LAMA5: variants seen among roughly 807,000 people sequenced by gnomAD.
The protein encoded by LAMA5 is laminin subunit alpha 5.
LAMA5 carries 260 observed loss-of-function variants against 433.4 expected under a neutral mutation model. The observed-to-expected ratio is 0.60, with a 90% confidence interval of 0.54 to 0.66. The LOEUF (loss-of-function observed/expected upper bound fraction) is 0.66, where lower values mean the gene tolerates loss of function less well. Among genes scored for constraint, LAMA5 ranks in the 30% least tolerant of loss-of-function variants. The pLI is 0.00. For synonymous variants in LAMA5, 2,620 were observed against 2,226.6 expected (o/e 1.18, Z -4.97); for missense variants, 5,378 against 5,258.5 (o/e 1.02, Z -0.70).
At chr20:62,350,314 T>C (rs540029933) in intron 6 of LAMA5, among the ~76,000 whole-genome samples, 1 of 152,200 alleles carries the variant, frequency 6.6e-6, no homozygotes, top group South Asian at 2.1e-4. Context: ...CCTGAAGCTG[T>C]GCTGGCAGCA....
chr20:62,333,573 C>A lies in LAMA5; in HGVS notation c.3012G>T (p.Gly1004=). The stretch of plus-strand genomic sequence containing the variant: ...CTGGCCCCTGCCTCACCAGGAGCAC[C>A]CCTTCGGCCTCCACACGCAGGGCCC... ...GTWALRVEAE[G]VLLDYVVLLP... The change falls in exon 24 of 80, where the codon GGG becomes GGT. Residue 1004 remains glycine (G), a synonymous_variant. Coordinates refer to ENST00000252999, the MANE Select transcript of LAMA5 (RefSeq NM_005560.6). 1 of 1,566,186 alleles carries A rather than the reference C, an allele frequency of 6.4e-7. No homozygotes were observed. The highest frequency in any genetic ancestry group is 1.9e-5 in the Admixed American group (1 of 52,838).
chr20:62,312,086 G>A (rs774781447), intron 69 of LAMA5, 36 bp from the exon 70 acceptor site: 3 of 1,608,804 alleles, frequency 1.9e-6, no homozygotes, highest in Non-Finnish European at 2.5e-6. Context: ...GCCGGCCTGG[G>A]GACCCAGACT....
At chr20:62,341,124 G>A (rs192164104) in intron 11 of LAMA5, among the ~76,000 whole-genome samples, 2 of 151,742 alleles carry the variant, frequency 1.3e-5, no homozygotes, top group East Asian at 3.9e-4. Flanking sequence ...TAGAAACAAA[G>A]AAAATCTCAA....
Position 62,359,452 on chromosome 20 carries a change from T to C in LAMA5, c.450+2948A>G, listed in dbSNP as rs1473590366. 6.8e-6 allele frequency among the ~76,000 whole-genome samples: 1 copy of C among 147,450 alleles called. No homozygotes were observed. Among genetic ancestry groups the C allele is most frequent in the Non-Finnish European group, 1.5e-5 (1 of 66,888 alleles). On this transcript the variant is annotated intron_variant, in intron 2 of 79. Transcript: ENST00000252999. This position sits in a 1 kb window ranked among gnomAD's most constrained non-coding sequence, Gnocchi z 4.3. Reference sequence around the variant, plus strand: ...CGCTGGCCATGTGCCTGGGCAGTCATGAACGCGCTCACCCTTCCCTGGGCC... The same window carrying C: ...CGCTGGCCATGTGCCTGGGCAGTCACGAACGCGCTCACCCTTCCCTGGGCC...
Position 62,346,663 on chromosome 20 carries a change from G to C in LAMA5, c.1191+19C>G, listed in dbSNP as rs745914647. The C allele has an allele frequency of 3.0e-5, 48 of 1,610,746 alleles. No homozygotes were observed. The highest frequency in any genetic ancestry group is 4.1e-5 in the Non-Finnish European group (48 of 1,177,866). On this transcript the variant is annotated intron_variant, in intron 8 of 79. Coordinates refer to ENST00000252999, the MANE Select transcript of LAMA5 (RefSeq NM_005560.6). ...CCACCTCAGGGCCAGCCCATTCCCA[G>C]CCCTCTAGCCCAGCCCACCTGGCAG... is the stretch of plus-strand genomic sequence containing the variant.
intron 27 of LAMA5, 32 bp downstream of exon 27, chr20:62,332,525 C>T (rs887794930): frequency 1.2e-6 from 2 of 1,606,150 alleles, no homozygotes. Context: ...CCCGGGCGTG[C>T]CCTTACTCCA....
chr20:62,346,321 G>A, intron 9 of LAMA5, 106 bp from the exon 10 acceptor site: 2 of 1,463,368 alleles, frequency 1.4e-6, no homozygotes, highest in Non-Finnish European at 1.8e-6. Flanking sequence ...TGGGGATGAG[G>A]GCTACAGCCA....
At chr20:62,330,684 G>T in intron 30 of LAMA5, 59 bp downstream of exon 30, 7 of 1,559,350 alleles carry the variant, frequency 4.5e-6, no homozygotes, top group Non-Finnish European at 6.1e-6. Flanking sequence ...ACCTGCCCTG[G>T]GTTGGGACCC....
At chr20:62,318,415 G>C (rs1290284782) in intron 53 of LAMA5, 39 bp downstream of exon 53, 1 of 1,542,000 alleles carries the variant, frequency 6.5e-7, no homozygotes, top group Admixed American at 1.7e-5. Context: ...GAGGAGGCGG[G>C]AAGAGGAGCA....
Position 62,334,176 on chromosome 20 carries a change from C to T in LAMA5, c.2739+10G>A, listed in dbSNP as rs748125760. The T allele has an allele frequency of 3.7e-6, 6 of 1,609,834 alleles. No individual in the cohort carries two copies. The highest frequency in any genetic ancestry group is 1.1e-5 in the South Asian group (1 of 90,902). On this transcript the variant is annotated intron_variant, in intron 22 of 79. Coordinates refer to ENST00000252999, the MANE Select transcript of LAMA5 (RefSeq NM_005560.6). ...TAGGCTGAGCCTGGGAGGGGGAGCACAGCGCCCACCTGGACAGGTGCCATC... is the reference window on the plus strand; with the variant it reads ...TAGGCTGAGCCTGGGAGGGGGAGCATAGCGCCCACCTGGACAGGTGCCATC...
chr20:62,357,772 C>A (rs983460444), intron 2 of LAMA5, among the ~76,000 whole-genome samples: 1 of 152,156 alleles, frequency 6.6e-6, no homozygotes, highest in African/African-American at 2.4e-5. Context: ...CAGGAGTGGG[C>A]GGGGGGACAG....
Position 62,327,405 on chromosome 20 carries a change from A to G in LAMA5, c.4940T>C (p.Phe1647Ser). The G allele has an allele frequency of 6.3e-7, 1 of 1,587,400 alleles. No homozygotes were observed. Among genetic ancestry groups the G allele is most frequent in the Non-Finnish European group, 8.6e-7 (1 of 1,165,412 alleles). The change falls in exon 38 of 80, where the codon TTC becomes TCC. Residue 1647 changes from phenylalanine (F) to serine (S), a missense_variant and splice_region_variant. By Grantham distance (155) the Phe-to-Ser change is radical. Coordinates refer to ENST00000252999, the MANE Select transcript of LAMA5 (RefSeq NM_005560.6). ...CAGCACCCATCCCTCCATATCCACG[A>G]ACTGTGGGCACACACGTGTGGCTGC... is the stretch of plus-strand genomic sequence containing the variant. ...CRSSSYTRQE[F>S]VDMEGWVLLS...
At chr20:62,350,578 G>A (rs1366337293) in intron 6 of LAMA5, among the ~76,000 whole-genome samples, 1 of 152,196 alleles carries the variant, frequency 6.6e-6, no homozygotes, top group Non-Finnish European at 1.5e-5. Flanking sequence ...GAAGGCAAGG[G>A]CGGGTCCCAA....
intron 48 of LAMA5, 56 bp from the exon 49 acceptor site, chr20:62,320,946 G>T: frequency 6.5e-7 from 1 of 1,543,656 alleles, no homozygotes; most frequent in South Asian, 1.2e-5. Flanking sequence ...AGGGGAGAAT[G>T]ATCAGCTGGG....
At chr20:62,311,821 A>T (rs767327571) in intron 70 of LAMA5, 37 bp from the exon 71 acceptor site, 3 of 334,422 alleles carry the variant, frequency 9.0e-6, no homozygotes, top group Non-Finnish European at 1.5e-5. Flanking sequence ...GTTTTTCCCC[A>T]CCCTGCCCAC....
rs750930337 is a variant in LAMA5 at position 62,338,511 on chromosome 20, A to C, written c.1575T>G (p.His525Gln). ...CLCKPNFQGTHCELCAPGFYG... is the reference protein window; with the variant it reads ...CLCKPNFQGTQCELCAPGFYG... ...AGAACCCTGGCGCGCAGAGCTCACA[A>C]TGGGTGCCTTGGAAGTTGGGTTTGC... The change falls in exon 12 of 80, where the codon CAT becomes CAG. Residue 525 changes from histidine to glutamine, a missense_variant. Physicochemically the swap from His to Gln is conservative, Grantham distance 24 (BLOSUM62 0). Coordinates refer to ENST00000252999, the MANE Select transcript of LAMA5 (RefSeq NM_005560.6). The C allele has an allele frequency of 6.2e-7, 1 of 1,610,002 alleles. No individual in the cohort carries two copies. Among genetic ancestry groups the C allele is most frequent in the Non-Finnish European group, 8.5e-7 (1 of 1,179,052 alleles).
chr20:62,334,169 G>A lies in LAMA5; in HGVS notation c.2739+17C>T, dbSNP rs768467968. The A allele has an allele frequency of 1.2e-6, 2 of 1,608,102 alleles. No individual in the cohort carries two copies. The highest frequency in any genetic ancestry group is 1.7e-6 in the Non-Finnish European group (2 of 1,176,370). On this transcript the variant is annotated intron_variant, in intron 22 of 79. Transcript: ENST00000252999. ...CCACTTCTAGGCTGAGCCTGGGAGG[G>A]GGAGCACAGCGCCCACCTGGACAGG... is the stretch of plus-strand genomic sequence containing the variant.
intron 9 of LAMA5, 88 bp downstream of exon 9, chr20:62,346,418 C>A: frequency 7.1e-7 from 1 of 1,404,810 alleles, no homozygotes; most frequent in Non-Finnish European, 9.7e-7. Context: ...TCAGGACATC[C>A]CCTCCAAAGC....
At position 62,327,859 on chromosome 20, in the gene LAMA5, C is replaced by T; in HGVS notation, c.4797+7G>A. 6.2e-7 allele frequency: 1 copy of T among 1,602,522 alleles called. No individual in the cohort carries two copies. Among genetic ancestry groups the T allele is most frequent in the Non-Finnish European group, 8.5e-7 (1 of 1,174,462 alleles). ...AGAGGCCAGATCTGGGCCCAGCCCT[C>T]ACTCACCTTACAGTAGCACTGCCCT... On this transcript the variant is annotated splice_region_variant and intron_variant, in intron 36 of 79. Coordinates refer to ENST00000252999, the MANE Select transcript of LAMA5 (RefSeq NM_005560.6).
Sources: allele counts gnomAD v4.1 joint callset (sites outside exome capture counted in the v4.1 genomes callset), GRCh38; gene constraint gnomAD v4.1.1; non-coding constraint Gnocchi (gnomAD v3.1); transcripts MANE v1.5; gene names NCBI Gene and HGNC (gene_info 2026-07-23, HGNC 2026-07-21).